The following PEAR1 variants were observed in gnomAD, a reference collection of about 807,000 sequenced individuals.
PEAR1 encodes platelet endothelial aggregation receptor 1.
Under a neutral mutation model 131.2 loss-of-function variants are expected in PEAR1, and 113 were observed. The observed-to-expected ratio is 0.86, with a 90% confidence interval of 0.74 to 1.01. The LOEUF is 1.01. Among genes scored for constraint, PEAR1 ranks in the 50% least tolerant of loss-of-function variants. The pLI is 0.00. For missense variants in PEAR1, 1,408 were observed against 1,391.1 expected (o/e 1.01, Z -0.19); for synonymous variants, 565 against 523.3 (o/e 1.08, Z -1.09).
In PEAR1 at chr1:156,910,386, G is replaced by A. The variant is rs979561026; in HGVS notation, c.1825+6G>A. The A allele has an allele frequency of 6.3e-7, 1 of 1,585,992 alleles. No homozygotes were observed. The highest frequency in any genetic ancestry group is 8.6e-7 in the Non-Finnish European group (1 of 1,166,332). ...GGGCCCCTCCTGCCAGAGATGTGAG[G>A]CTCCCTACTGCCCCTTCCACCTGCC... On this transcript the variant is annotated splice_donor_region_variant and intron_variant, in intron 14 of 22. Transcript: ENST00000292357.
intron 19 of PEAR1, 35 bp downstream of exon 19, chr1:156,913,317 A>G (rs756580359): frequency 2.5e-6 from 4 of 1,596,686 alleles, no homozygotes; most frequent in African/African-American, 2.7e-5. Context: ...CTGTGGAGGG[A>G]AGCGCACAGA....
rs745861389 is a variant in PEAR1, at chr1:156,910,216, G to C, written c.1679-18G>C. On this transcript the variant is annotated intron_variant, in intron 13 of 22. Transcript: ENST00000292357. Reference sequence around the variant, plus strand: ...GAAGGGGGCCCAGCCAGGCACACCCGACTGCTGTCTCCCACAGGTGCCCGC... The same window carrying C: ...GAAGGGGGCCCAGCCAGGCACACCCCACTGCTGTCTCCCACAGGTGCCCGC... The C allele has an allele frequency of 4.3e-6, 7 of 1,609,886 alleles. No homozygotes were observed. The highest frequency in any genetic ancestry group is 5.9e-6 in the Non-Finnish European group (7 of 1,177,408).
At chr1:156,896,645 C>A (rs1649189891) in intron 1 of PEAR1, among the ~76,000 whole-genome samples, 1 of 152,240 alleles carries the variant, frequency 6.6e-6, no homozygotes, top group African/African-American at 2.4e-5. Context: ...TCCGTCCTAC[C>A]CCCATGAATT....
intron 1 of PEAR1, among the ~76,000 whole-genome samples, chr1:156,895,949 G>T (rs1570930513): frequency 6.6e-6 from 1 of 152,098 alleles, no homozygotes; most frequent in East Asian, 1.9e-4. Flanking sequence ...TGGCATGGTG[G>T]TGCCCGCCCA....
intron 1 of PEAR1, among the ~76,000 whole-genome samples, chr1:156,896,685 C>T (rs573709846): frequency 1.2e-4 from 19 of 152,270 alleles, no homozygotes; most frequent in African/African-American, 4.1e-4. Context: ...CTCTGTGTAG[C>T]GGGAGATGTG....
At position 156,908,248 on chromosome 1, in the gene PEAR1, TG is replaced by T. The variant is rs767067397; in HGVS notation, c.1027del (p.Asp343ThrfsTer34). The T allele has an allele frequency of 5.6e-6, 9 of 1,598,142 alleles. No individual in the cohort carries two copies. Among genetic ancestry groups the T allele is most frequent in the Non-Finnish European group, 5.9e-6 (7 of 1,176,774 alleles). On this transcript the variant is annotated frameshift_variant, in exon 9 of 23. Coordinates refer to ENST00000292357, the MANE Select transcript of PEAR1 (RefSeq NM_001080471.3). LOFTEE classifies it high-confidence loss of function. The surrounding 1 kb of genome is among the most constrained non-coding windows in gnomAD (Gnocchi z 4.2). ...CATGTCTGTGCGAACACGGCTTCACTGGGGACCGCTGCACGGATCGCCTCTG... is the reference window on the plus strand; with the variant it reads ...CATGTCTGTGCGAACACGGCTTCACTGGGACCGCTGCACGGATCGCCTCTG... ...GACLCEHGFT[G>X]DRCTDRLCPD...
chr1:156,894,061 C>T (rs1648918515), intron 1 of PEAR1, among the ~76,000 whole-genome samples: 1 of 152,194 alleles, frequency 6.6e-6, no homozygotes. Flanking sequence ...GGTTCCCTTC[C>T]GTAATGAACA....
At chr1:156,910,840 T>C in intron 15 of PEAR1, 97 bp downstream of exon 15, 6 of 1,532,756 alleles carry the variant, frequency 3.9e-6, no homozygotes, top group Non-Finnish European at 5.3e-6. Context: ...TATAAAAGCC[T>C]CTGGGCCCAC....
chr1:156,906,144 C>T, intron 4 of PEAR1, 132 bp from the exon 5 acceptor site: 1 of 738,948 alleles, frequency 1.4e-6, no homozygotes, highest in Non-Finnish European at 2.3e-6. Flanking sequence ...CAGTCTTTAT[C>T]TTAGAGGCAG....
In PEAR1 at chr1:156,906,343, C is replaced by T; in HGVS notation, c.375C>T (p.Gly125=). The part of the protein sequence containing the change: ...VAPNQCQCVP[G]WRGDDCSSEC... ...CCAATCAGTGCCAATGTGTGCCAGG[C>T]TGGCGGGGCGACGACTGTTCCAGTG... Residue 125 remains glycine, a synonymous_variant, in exon 5 of 23, where the codon GGC becomes GGT. Transcript: ENST00000292357. 6.2e-7 allele frequency: 1 copy of T among 1,614,178 alleles called. No homozygotes were observed. The highest frequency in any genetic ancestry group is 8.5e-7 in the Non-Finnish European group (1 of 1,180,032).
intron 2 of PEAR1, 62 bp from the exon 3 acceptor site, chr1:156,904,686 C>T: frequency 6.7e-7 from 1 of 1,496,974 alleles, no homozygotes; most frequent in Non-Finnish European, 9.0e-7. Context: ...TGGCCATTTT[C>T]CCGTTGTGGC....
At chr1:156,911,271 C>G (rs1356569436) in intron 15 of PEAR1, among the ~76,000 whole-genome samples, 1 of 131,386 alleles carries the variant, frequency 7.6e-6, no homozygotes, top group Non-Finnish European at 1.6e-5. Context: ...CTCTCCCTCC[C>G]TCTCTCTTTC....
rs149758169 is a variant in PEAR1, at chr1:156,914,037, C to T, written c.2899C>T (p.Arg967Trp). ...QPPQFWDSQR[R>W]RQPQPQRDSG... Reference sequence around the variant, plus strand: ...TCCTCAGTTCTGGGACAGCCAGAGGCGGCGGCAACCCCAGCCACAGAGAGA... The same window carrying T: ...TCCTCAGTTCTGGGACAGCCAGAGGTGGCGGCAACCCCAGCCACAGAGAGA... The change falls in exon 22 of 23, where the codon CGG becomes TGG. Residue 967 changes from arginine to tryptophan, a missense_variant. Coordinates refer to ENST00000292357, the MANE Select transcript of PEAR1 (RefSeq NM_001080471.3). The T allele has an allele frequency of 7.0e-5, 113 of 1,608,994 alleles. No individual in the cohort carries two copies. The highest frequency in any genetic ancestry group is 1.6e-4 in the Middle Eastern group (1 of 6,068).
At chr1:156,904,213 G>A (rs1649979364) in intron 2 of PEAR1, among the ~76,000 whole-genome samples, 186 bp downstream of exon 2, 1 of 152,012 alleles carries the variant, frequency 6.6e-6, no homozygotes, top group South Asian at 2.1e-4. Flanking sequence ...TTTGACTCCA[G>A]CCCCATTTCT....
In PEAR1 at chr1:156,914,638, T is replaced by G; in HGVS notation, c.2963-9T>G. 1 of 1,608,634 alleles carries G rather than the reference T, an allele frequency of 6.2e-7. No homozygotes were observed. Among genetic ancestry groups the G allele is most frequent in the Non-Finnish European group, 8.5e-7 (1 of 1,177,190 alleles). ...GCCACTCCCTCTTATCTTGTCCTCA[T>G]GTTTCCAGACCGAGACTCTGTGGGC... is the stretch of plus-strand genomic sequence containing the variant. On this transcript the variant is annotated splice_polypyrimidine_tract_variant and intron_variant, in intron 22 of 22. Transcript: ENST00000292357.
In PEAR1 at chr1:156,908,483, G is replaced by A. The variant is rs2103002820; in HGVS notation, c.1115+143G>A. The A allele has an allele frequency of 8.1e-7, 1 of 1,232,024 alleles. No homozygotes were observed. The highest frequency in any genetic ancestry group is 1.6e-5 in the South Asian group (1 of 63,184). The allele number at this position is 1,232,024 out of a possible 1,614,324, so 76.3% of individuals were successfully genotyped here. On this transcript the variant is annotated intron_variant, in intron 9 of 22. Transcript: ENST00000292357. This position sits in a 1 kb window ranked among gnomAD's most constrained non-coding sequence, Gnocchi z 4.2. ...GGGAGGGACCTCAGGGGCCGGGAGG[G>A]GCCTGGGGTACCGCTACTTGCCCCA... is the stretch of plus-strand genomic sequence containing the variant.
rs12139641 is a variant in PEAR1, at chr1:156,915,975, A to G, written c.*1177A>G. 25,732 of 152,216 alleles carry G rather than the reference A, an allele frequency of 0.17. 2,229 individuals carry two copies. Among genetic ancestry groups the G allele is most frequent in the East Asian group, 0.32 (1,633 of 5,164 alleles). The allele number at this position is 152,216 out of a possible 1,614,324, so 9.4% of individuals were successfully genotyped here. ...CTAAAGGGTGGCATTTCCCCAGGGT[A>G]ACAACGCAGAGCTCAGGTGTGGGAA... On this transcript the variant is annotated 3_prime_UTR_variant, in exon 23 of 23. Coordinates refer to ENST00000292357, the MANE Select transcript of PEAR1 (RefSeq NM_001080471.3).
chr1:156,894,928 CCA>C (rs1291280477), intron 1 of PEAR1, among the ~76,000 whole-genome samples: 3 of 152,210 alleles, frequency 2.0e-5, no homozygotes, highest in Non-Finnish European at 2.9e-5. Flanking sequence ...TCTCTGAACC[CCA>C]CTCAAAACCA....
intron 1 of PEAR1, among the ~76,000 whole-genome samples, chr1:156,894,555 A>C (rs2102949727): frequency 6.6e-6 from 1 of 152,286 alleles, no homozygotes; most frequent in African/African-American, 2.4e-5. Context: ...GTTCAGCTTG[A>C]GGTCCCGGGC....
Sources: allele counts gnomAD v4.1 joint callset (sites outside exome capture counted in the v4.1 genomes callset), GRCh38; gene constraint gnomAD v4.1.1; non-coding constraint Gnocchi (gnomAD v3.1); transcripts MANE v1.5; gene names NCBI Gene and HGNC (gene_info 2026-07-23, HGNC 2026-07-21).